Variants in HEXB observed in about 807,000 individuals in gnomAD.
The protein encoded by HEXB is beta-hexosaminidase subunit beta.
A neutral mutation model predicts 71.2 loss-of-function variants in HEXB; 51 were observed. The ratio of observed to expected loss-of-function variants is 0.72; its 90% confidence interval spans 0.57 to 0.90. The LOEUF (loss-of-function observed/expected upper bound fraction) is 0.90, where lower values mean the gene tolerates loss of function less well. HEXB is among the 40% of genes least tolerant of loss of function. HEXB has a pLI of 0.00. For missense variants in HEXB, 617 were observed against 677.0 expected (o/e 0.91, Z 0.98); for synonymous variants, 266 against 249.3 (o/e 1.07, Z -0.63).
At chr5:74,656,156 T>A (rs1016790794) in intron 1 of HEXB, among the ~76,000 whole-genome samples, 2 of 152,090 alleles carry the variant, frequency 1.3e-5, no homozygotes, top group African/African-American at 4.8e-5. Context: ...TGCAACTTAA[T>A]GTAAGAAGTC....
intron 2 of HEXB, among the ~76,000 whole-genome samples, chr5:74,690,481 C>G (rs1267493189): frequency 2.6e-5 from 4 of 151,544 alleles, no homozygotes; most frequent in African/African-American, 9.7e-5. Flanking sequence ...GAAACTGCAT[C>G]CCTACTAAAA....
At chr5:74,685,143 C>A, upstream of HEXB, 2 of 1,115,816 alleles carry the variant, frequency 1.8e-6, no homozygotes, top group Non-Finnish European at 2.4e-6. Flanking sequence ...GGCGGGCGCG[C>A]GCAGTCATCT....
chr5:74,676,398 G>A (rs1325488296), intron 1 of HEXB, among the ~76,000 whole-genome samples: 3 of 152,170 alleles, frequency 2.0e-5, no homozygotes, highest in African/African-American at 7.2e-5. Flanking sequence ...TCCCACCTCA[G>A]CTTCTGGACT....
chr5:74,677,490 CTTTTTTTTTTTTT>C (rs566302720), intron 1 of HEXB, among the ~76,000 whole-genome samples: 1 of 77,276 alleles, frequency 1.3e-5, no homozygotes, highest in Non-Finnish European at 2.8e-5. Flanking sequence ...TCTTCTTCTT[CTTTTTTTTTTTTT>C]TTTTTTTTTT....
rs141175812 is a variant in HEXB, at chr5:74,697,094, T to C, written c.657T>C (p.Ile219=). Reference sequence around the variant, plus strand: ...GACATTATCTGCCAGTTAAGATTATTCTTAAAACTCTGGTAAGTAATTACT... The same window carrying C: ...GACATTATCTGCCAGTTAAGATTATCCTTAAAACTCTGGTAAGTAATTACT... ...TSRHYLPVKI[I]LKTLDAMAFN... The change falls in exon 5 of 14, where the codon ATT becomes ATC. Residue 219 remains isoleucine, a synonymous_variant. Coordinates refer to ENST00000261416, the MANE Select transcript of HEXB (RefSeq NM_000521.4). 8 of 1,420,418 alleles carry C rather than the reference T, an allele frequency of 5.6e-6. No individual in the cohort carries two copies. The highest frequency in any genetic ancestry group is 4.0e-6 in the Non-Finnish European group (4 of 1,003,898). The allele number at this position is 1,420,418 out of a possible 1,614,324, so 88.0% of individuals were successfully genotyped here. A position where few individuals can be genotyped will look rare whatever the true frequency, so the allele number is the denominator to read the frequency against.
At chr5:74,687,341 C>T (rs556003741) in intron 1 of HEXB, among the ~76,000 whole-genome samples, 14 of 152,174 alleles carry the variant, frequency 9.2e-5, no homozygotes, top group Admixed American at 6.5e-4. Context: ...CCAGATTGTT[C>T]AGCATCACAT....
chr5:74,645,266 G>A (rs1462922878), intron 1 of HEXB, among the ~76,000 whole-genome samples: 2 of 152,088 alleles, frequency 1.3e-5, no homozygotes, highest in African/African-American at 2.4e-5. Flanking sequence ...TTCACAGGCC[G>A]ACATGGTTCA....
At chr5:74,702,296 T>A (rs552891181) in intron 5 of HEXB, among the ~76,000 whole-genome samples, 1 of 151,722 alleles carries the variant, frequency 6.6e-6, no homozygotes, top group Admixed American at 6.6e-5. Flanking sequence ...GCCGGGATGG[T>A]CTCGATCTCC....
chr5:74,653,234 T>C (rs1218766965), intron 1 of HEXB, among the ~76,000 whole-genome samples: 1 of 152,238 alleles, frequency 6.6e-6, no homozygotes, highest in Non-Finnish European at 1.5e-5. Flanking sequence ...GTCAATAATT[T>C]TTTAAAGTAA....
intron 1 of HEXB, among the ~76,000 whole-genome samples, chr5:74,661,018 GAGAGAGAGAGAGAT>G (rs1489023387): frequency 1.3e-5 from 2 of 152,174 alleles, no homozygotes; most frequent in Admixed American, 6.5e-5. Context: ...CAGTGAGAGA[GAGAGAGAGAGAGAT>G]AGAGAGAGAG....
At chr5:74,677,429 A>T (rs1452231891) in intron 1 of HEXB, among the ~76,000 whole-genome samples, 1 of 146,588 alleles carries the variant, frequency 6.8e-6, no homozygotes, top group Non-Finnish European at 1.5e-5. Context: ...CTCAGATTCT[A>T]TTGGGGCAGG....
upstream of HEXB, chr5:74,685,216 C>A (rs1343949434): frequency 6.8e-7 from 1 of 1,467,882 alleles, no homozygotes; most frequent in South Asian, 1.3e-5. Context: ...AGTCGGGTCC[C>A]GAGGCTCCGG....
At chr5:74,686,593 A>C (rs1748879461) in intron 1 of HEXB, among the ~76,000 whole-genome samples, 1 of 152,206 alleles carries the variant, frequency 6.6e-6, no homozygotes, top group African/African-American at 2.4e-5. Flanking sequence ...CAGAGGCCCA[A>C]GATGCTGATG....
chr5:74,642,429 C>T (rs1250069081), intron 1 of HEXB, among the ~76,000 whole-genome samples: 3 of 152,190 alleles, frequency 2.0e-5, no homozygotes, highest in Non-Finnish European at 4.4e-5. Flanking sequence ...GATGGAAACT[C>T]TGTAGACTCC....
intron 6 of HEXB, among the ~76,000 whole-genome samples, chr5:74,711,600 A>C (rs1749543225): frequency 6.6e-6 from 1 of 152,202 alleles, no homozygotes; most frequent in Admixed American, 6.5e-5. Context: ...AAAAACAAAC[A>C]ACCCCATCAA....
chr5:74,696,574 A>G lies in HEXB; in HGVS notation c.512-119A>G, dbSNP rs140838044. The G allele has an allele frequency of 2.2e-3, 1,434 of 648,118 alleles. 13 individuals carry two copies. The African/African-American group carries it at 0.024, about 11-fold the overall frequency. 40.1% of individuals were successfully genotyped at this position (648,118 alleles called of 1,614,324 possible). ...ACAATATATTTTAGAGGATAGAGGTATAACACTATATTCAATTATATTTGC... is the reference window on the plus strand; with the variant it reads ...ACAATATATTTTAGAGGATAGAGGTGTAACACTATATTCAATTATATTTGC... On this transcript the variant is annotated intron_variant, in intron 3 of 13. Transcript: ENST00000261416.
chr5:74,687,851 A>G (rs935691189), intron 1 of HEXB, among the ~76,000 whole-genome samples: 2 of 152,204 alleles, frequency 1.3e-5, no homozygotes, highest in East Asian at 1.9e-4. Flanking sequence ...GTTAACTTCC[A>G]TACACTTCCA....
chr5:74,699,224 T>A (rs1299400402), intron 5 of HEXB, among the ~76,000 whole-genome samples: 1 of 152,038 alleles, frequency 6.6e-6, no homozygotes, highest in Non-Finnish European at 1.5e-5. Flanking sequence ...ATATACAATG[T>A]GACTTTTTAA....
exon 1 of HEXB, chr5:74,640,059 C>G (rs1747791050): frequency 6.6e-6 from 1 of 152,240 alleles, no homozygotes; most frequent in Non-Finnish European, 1.5e-5. Context: ...CCCAGCGGCT[C>G]GCCCCAGACA....
Sources: allele counts gnomAD v4.1 joint callset (sites outside exome capture counted in the v4.1 genomes callset), GRCh38; gene constraint gnomAD v4.1.1; transcripts MANE v1.5; gene names NCBI Gene and HGNC (gene_info 2026-07-23, HGNC 2026-07-21).